The following SAMMSON variants were observed in gnomAD, a reference collection of about 807,000 sequenced individuals.
SAMMSON encodes survival associated mitochondrial melanoma specific oncogenic non-coding RNA.
At chr3:70,346,959 A>C (rs1702756203) in intron 7 of SAMMSON, among the ~76,000 whole-genome samples, 1 of 152,128 alleles carries the variant, frequency 6.6e-6, no homozygotes, top group Non-Finnish European at 1.5e-5. Flanking sequence ...ACTGATTCTA[A>C]ACCATTATGC....
chr3:70,416,244 C>A (rs1701263848), intron 2 of SAMMSON, among the ~76,000 whole-genome samples: 1 of 152,140 alleles, frequency 6.6e-6, no homozygotes, highest in Non-Finnish European at 1.5e-5. Flanking sequence ...TTCTAATTAG[C>A]TTTTTCTTAT....
chr3:70,316,703 A>T (rs555938624), intron 7 of SAMMSON, among the ~76,000 whole-genome samples: 2 of 152,128 alleles, frequency 1.3e-5, no homozygotes, highest in Non-Finnish European at 2.9e-5. Context: ...CAAGAAGAAA[A>T]TTCCATATTT....
intron 4 of SAMMSON, among the ~76,000 whole-genome samples, chr3:70,190,209 C>T (rs530292529): frequency 6.6e-6 from 1 of 152,170 alleles, no homozygotes; most frequent in African/African-American, 2.4e-5. Flanking sequence ...ACTAATGGTC[C>T]TTTTCTAATT....
intron 7 of SAMMSON, among the ~76,000 whole-genome samples, chr3:70,296,400 G>C (rs112027470): frequency 1.3e-4 from 20 of 151,878 alleles, no homozygotes; most frequent in African/African-American, 4.4e-4. Flanking sequence ...CCAGAAAATG[G>C]ACCTAATTTT....
chr3:70,179,133 A>G (rs147300222), intron 4 of SAMMSON, among the ~76,000 whole-genome samples: 83 of 152,338 alleles, frequency 5.4e-4, no homozygotes, highest in Admixed American at 4.3e-3. Flanking sequence ...AAGATGTGGA[A>G]ATGAAGACTT....
chr3:70,290,747 G>A (rs1702228843), intron 6 of SAMMSON, among the ~76,000 whole-genome samples: 1 of 152,216 alleles, frequency 6.6e-6, no homozygotes, highest in South Asian at 2.1e-4. Context: ...GCCAGGTGCA[G>A]GTTATAATCT....
chr3:70,006,202 C>G (rs1319926055), intron 1 of SAMMSON, among the ~76,000 whole-genome samples: 3 of 152,152 alleles, frequency 2.0e-5, no homozygotes, highest in African/African-American at 4.8e-5. Context: ...AAAGAACATG[C>G]ACCAATTACA....
chr3:70,294,137 G>A lies in SAMMSON; in HGVS notation n.739+2894G>A, dbSNP rs112177155. Reference sequence around the variant, plus strand: ...TCTCAGTGTTTTAGAAATGTCAGTTGTTCAAAATAATACTACCCTAGCATT... The same window carrying A: ...TCTCAGTGTTTTAGAAATGTCAGTTATTCAAAATAATACTACCCTAGCATT... On this transcript the variant is annotated intron_variant and non_coding_transcript_variant, in intron 7 of 9. Transcript: ENST00000642114. 1.6e-4 allele frequency among the ~76,000 whole-genome samples: 25 copies of A among 152,212 alleles called. 1 individual carries two copies. The highest frequency in any genetic ancestry group is 5.5e-4 in the African/African-American group (23 of 41,542).
At chr3:70,222,494 G>T (rs986324590) in intron 4 of SAMMSON, among the ~76,000 whole-genome samples, 4 of 152,028 alleles carry the variant, frequency 2.6e-5, no homozygotes, top group South Asian at 2.1e-4. Flanking sequence ...GTTGGTTTTC[G>T]GTAAAGCAAT....
At position 70,271,288 on chromosome 3, in the gene SAMMSON, G is replaced by A. The variant is rs550816893; in HGVS notation, n.675-19891G>A. Among the ~76,000 whole-genome samples the A allele has an allele frequency of 2.0e-5, 3 of 152,160 alleles. No homozygotes were observed. The East Asian group carries it at 5.8e-4, about 30-fold the overall frequency. On this transcript the variant is annotated intron_variant and non_coding_transcript_variant, in intron 6 of 9. Transcript: ENST00000642114. ...AGGCAGGTAAGTAAATCATGAAAAG[G>A]ACCTGGTAGGAAGCAGAGTAAACTG...
At chr3:70,315,935 T>C (rs751381535) in intron 7 of SAMMSON, among the ~76,000 whole-genome samples, 1 of 152,170 alleles carries the variant, frequency 6.6e-6, no homozygotes, top group African/African-American at 2.4e-5. Context: ...TTTAAAATAA[T>C]GAACTAAATA....
intron 3 of SAMMSON, among the ~76,000 whole-genome samples, chr3:70,060,107 A>T (rs2067182148): frequency 6.6e-6 from 1 of 152,102 alleles, no homozygotes; most frequent in Non-Finnish European, 1.5e-5. Context: ...GAAGAAGAAA[A>T]TTGGGATTTG....
intron 4 of SAMMSON, among the ~76,000 whole-genome samples, chr3:70,117,409 G>A (rs2067416037): frequency 1.3e-5 from 2 of 152,140 alleles, no homozygotes; most frequent in African/African-American, 4.8e-5. Flanking sequence ...TAAATGTCTT[G>A]TCTGTTTGAA....
At chr3:70,331,833 T>C (rs977703175) in intron 7 of SAMMSON, among the ~76,000 whole-genome samples, 6 of 152,304 alleles carry the variant, frequency 3.9e-5, no homozygotes, top group African/African-American at 1.4e-4. Flanking sequence ...AATGGCACAA[T>C]TCAGAATTTA....
At chr3:70,364,131 C>G (rs1000312918) in intron 9 of SAMMSON, among the ~76,000 whole-genome samples, 2 of 151,782 alleles carry the variant, frequency 1.3e-5, no homozygotes, top group Non-Finnish European at 2.9e-5. Flanking sequence ...GCACATAATT[C>G]CTGCATTTAT....
At chr3:70,037,382 C>G (rs2067089675) in intron 3 of SAMMSON, among the ~76,000 whole-genome samples, 1 of 152,092 alleles carries the variant, frequency 6.6e-6, no homozygotes, top group Admixed American at 6.6e-5. Flanking sequence ...GGGCCCTAAA[C>G]TGGGATGGTA....
At chr3:70,136,961 T>A (rs932571362) in intron 4 of SAMMSON, among the ~76,000 whole-genome samples, 2 of 152,274 alleles carry the variant, frequency 1.3e-5, no homozygotes, top group Middle Eastern at 3.4e-3. Context: ...ATGATAAAAC[T>A]TTTTTTGAAA....
At position 70,365,845 on chromosome 3, in the gene SAMMSON, A is replaced by T. The variant is rs556924322; in HGVS notation, n.913+7521A>T. 8.6e-5 allele frequency among the ~76,000 whole-genome samples: 13 copies of T among 151,756 alleles called. No individual in the cohort carries two copies. The South Asian group carries it at 2.3e-3, about 27-fold the overall frequency. On this transcript the variant is annotated intron_variant and non_coding_transcript_variant, in intron 9 of 9. Coordinates refer to ENST00000642114, the Ensembl canonical transcript of SAMMSON. ...GAGATTTCTTGACCTCCTATTTTTT[A>T]AAATTTACATATATTAAAATTCCTC...
intron 3 of SAMMSON, among the ~76,000 whole-genome samples, chr3:70,021,910 GA>G (rs1292843729): frequency 6.6e-6 from 1 of 151,996 alleles, no homozygotes; most frequent in East Asian, 1.9e-4. Context: ...TATTTTCAAA[GA>G]AACCTATGAA....
Sources: allele counts gnomAD v4.1 joint callset (sites outside exome capture counted in the v4.1 genomes callset), GRCh38; gene constraint gnomAD v4.1.1; transcripts MANE v1.5; gene names NCBI Gene and HGNC (gene_info 2026-07-23, HGNC 2026-07-21).